LRRTM4: variants seen among roughly 807,000 people sequenced by gnomAD.
The protein encoded by LRRTM4 is leucine rich repeat transmembrane neuronal 4.
LRRTM4 carries 25 observed loss-of-function variants against 47.6 expected under a neutral mutation model. That is an observed-to-expected ratio of 0.53 (90% CI 0.38 to 0.73). The LOEUF (loss-of-function observed/expected upper bound fraction) is 0.73, where lower values mean the gene tolerates loss of function less well. Ranked by LOEUF, LRRTM4 falls within the 30% of genes least tolerant of loss-of-function variation. The pLI is 0.00. For synonymous variants in LRRTM4, 311 were observed against 269.5 expected, an observed-to-expected ratio of 1.15 and a Z score of -1.51; for missense variants, 638 against 713.4, an observed-to-expected ratio of 0.89 and a Z score of 1.20.
At chr2:76,808,107 C>T (rs1421624397) in intron 3 of LRRTM4, among the ~76,000 whole-genome samples, 1 of 151,860 alleles carries the variant, frequency 6.6e-6, no homozygotes, top group Non-Finnish European at 1.5e-5. Context: ...GCAACCTCCA[C>T]CTCCTGGGTT....
At chr2:77,036,990 G>A (rs1678859842) in intron 3 of LRRTM4, among the ~76,000 whole-genome samples, 1 of 151,540 alleles carries the variant, frequency 6.6e-6, no homozygotes, top group Non-Finnish European at 1.5e-5. Flanking sequence ...CAGATGCCTA[G>A]CATGCTAGGG....
chr2:77,145,223 GTA>G (rs953146458), intron 3 of LRRTM4, among the ~76,000 whole-genome samples: 2 of 149,272 alleles, frequency 1.3e-5, no homozygotes, highest in South Asian at 4.2e-4. Context: ...GTGTGTGTGT[GTA>G]TATCTCATAG....
chr2:76,900,294 T>C (rs374391753), intron 3 of LRRTM4, among the ~76,000 whole-genome samples: 55 of 151,944 alleles, frequency 3.6e-4, no homozygotes, highest in African/African-American at 1.2e-3. Context: ...AGTAGACGTA[T>C]AGAGTGTGGG....
At chr2:77,440,892 T>G (rs975646324) in intron 3 of LRRTM4, among the ~76,000 whole-genome samples, 6 of 152,084 alleles carry the variant, frequency 3.9e-5, no homozygotes, top group African/African-American at 1.5e-4. Flanking sequence ...AGAACAGTCT[T>G]TATTTGTCAT....
chr2:77,319,178 A>C (rs2104220636), intron 3 of LRRTM4, among the ~76,000 whole-genome samples: 1 of 152,064 alleles, frequency 6.6e-6, no homozygotes, highest in South Asian at 2.1e-4. Flanking sequence ...TGAGGTTGGG[A>C]GTTCCAAGAC....
At chr2:76,798,628 C>T (rs1455392605) in intron 3 of LRRTM4, among the ~76,000 whole-genome samples, 2 of 150,742 alleles carry the variant, frequency 1.3e-5, no homozygotes, top group East Asian at 1.9e-4. Flanking sequence ...AATAGAGACA[C>T]AAAAAACCCT....
chr2:77,418,766 A>T (rs1469924597), intron 3 of LRRTM4, among the ~76,000 whole-genome samples: 1 of 152,160 alleles, frequency 6.6e-6, no homozygotes, highest in African/African-American at 2.4e-5. Flanking sequence ...AGTCATACAC[A>T]TGACTTTGCA....
At position 77,360,467 on chromosome 2, in the gene LRRTM4, AATACG is replaced by A. The variant is rs1239493738; in HGVS notation, c.1551+157846_1551+157850del. 2.9e-5 allele frequency among the ~76,000 whole-genome samples: 4 copies of A among 140,074 alleles called. No individual in the cohort carries two copies. In the South Asian group the frequency reaches 9.4e-4, roughly 33 times the overall value. 91.9% of individuals were successfully genotyped at this position (140,074 alleles called of 152,430 possible). A position where few individuals can be genotyped will look rare whatever the true frequency, so the allele number is the denominator to read the frequency against. On this transcript the variant is annotated intron_variant, in intron 3 of 3. Coordinates refer to ENST00000409884, the MANE Select transcript of LRRTM4 (RefSeq NM_001134745.3). ...AGCGAGACTCCATCTCAAAAAATACAATACGATATGATACGATACGATACGATACG... is the reference window on the plus strand; with the variant it reads ...AGCGAGACTCCATCTCAAAAAATACAATATGATACGATACGATACGATACG...
chr2:77,259,543 G>A (rs1447897706), intron 3 of LRRTM4, among the ~76,000 whole-genome samples: 1 of 151,994 alleles, frequency 6.6e-6, no homozygotes, highest in Non-Finnish European at 1.5e-5. Flanking sequence ...ATCTAAAAAG[G>A]ATACAGATGA....
chr2:77,407,866 A>T (rs1441345800), intron 3 of LRRTM4, among the ~76,000 whole-genome samples: 1 of 150,926 alleles, frequency 6.6e-6, no homozygotes, highest in Non-Finnish European at 1.5e-5. Context: ...TCATGTTTGA[A>T]CTTTTTCTCT....
At chr2:77,087,698 A>G (rs1236729179) in intron 3 of LRRTM4, among the ~76,000 whole-genome samples, 3 of 152,264 alleles carry the variant, frequency 2.0e-5, no homozygotes. Context: ...CATTGGATGC[A>G]TACAAAATTA....
At chr2:77,120,173 G>A (rs1228455414) in intron 3 of LRRTM4, among the ~76,000 whole-genome samples, 2 of 151,760 alleles carry the variant, frequency 1.3e-5, no homozygotes. Flanking sequence ...GGAAGCTTCA[G>A]TCCAGATTGA....
rs1467395247 is a variant in LRRTM4, at chr2:76,799,420, C to G, written c.1552-50504G>C. Reference sequence around the variant, plus strand: ...TCAACAACCCTTCATGCTAAAAACTCTCAATAAATTAGGTATTGATGGGAC... The same window carrying G: ...TCAACAACCCTTCATGCTAAAAACTGTCAATAAATTAGGTATTGATGGGAC... On this transcript the variant is annotated intron_variant, in intron 3 of 3. Transcript: ENST00000409884. 1.6e-5 allele frequency among the ~76,000 whole-genome samples: 2 copies of G among 126,366 alleles called. 1 individual carries two copies. The highest frequency in any genetic ancestry group is 3.3e-5 in the Non-Finnish European group (2 of 61,508). The allele number at this position is 126,366 out of a possible 152,430, so 82.9% of individuals were successfully genotyped here.
intron 3 of LRRTM4, among the ~76,000 whole-genome samples, chr2:77,290,234 T>A (rs1225828074): frequency 6.6e-6 from 1 of 152,032 alleles, no homozygotes; most frequent in African/African-American, 2.4e-5. Flanking sequence ...AGATTAAATA[T>A]GAATCTAATA....
chr2:76,909,754 A>G (rs1673982055), intron 3 of LRRTM4, among the ~76,000 whole-genome samples: 2 of 152,254 alleles, frequency 1.3e-5, no homozygotes, highest in South Asian at 2.1e-4. Flanking sequence ...AATGCTCACC[A>G]TCACTGACTA....
intron 3 of LRRTM4, among the ~76,000 whole-genome samples, chr2:77,175,832 G>T (rs1233924187): frequency 6.6e-6 from 1 of 152,028 alleles, no homozygotes; most frequent in East Asian, 1.9e-4. Flanking sequence ...GGCTAATTTT[G>T]TATATTTAGC....
At chr2:76,914,589 G>A (rs1320590960) in intron 3 of LRRTM4, among the ~76,000 whole-genome samples, 2 of 152,074 alleles carry the variant, frequency 1.3e-5, no homozygotes, top group African/African-American at 4.8e-5. Context: ...AAAAAGCTGA[G>A]CATTGTGTTA....
intron 3 of LRRTM4, among the ~76,000 whole-genome samples, chr2:77,200,651 C>A (rs1222756210): frequency 6.6e-6 from 1 of 151,924 alleles, no homozygotes; most frequent in Non-Finnish European, 1.5e-5. Flanking sequence ...ATAATCTTCA[C>A]TCATTATTTT....
intron 3 of LRRTM4, among the ~76,000 whole-genome samples, chr2:76,961,190 TTA>T (rs1675846461): frequency 6.6e-6 from 1 of 151,472 alleles, no homozygotes; most frequent in Non-Finnish European, 1.5e-5. Flanking sequence ...AAAGTGCTGT[TTA>T]TCATGTTTAT....
Sources: gnomAD v4.1 joint callset for allele counts (sites outside exome capture counted in the v4.1 genomes callset) on GRCh38, gnomAD v4.1.1 for gene constraint, MANE v1.5 for transcripts, NCBI Gene and HGNC (gene_info 2026-07-23, HGNC 2026-07-21) for gene names.